The following ATP5PB variants were observed in gnomAD, a reference collection of about 807,000 sequenced individuals.
The protein encoded by ATP5PB is ATP synthase peripheral stalk-membrane subunit b, also known as ATP synthase peripheral stalk subunit b, mitochondrial.
In ATP5PB, 21 loss-of-function variants were observed where a neutral mutation model predicts 34.5. That is an observed-to-expected ratio of 0.61 (90% CI 0.43 to 0.88). ATP5PB has a LOEUF of 0.88. Among genes scored for constraint, ATP5PB ranks in the 40% least tolerant of loss-of-function variants. The pLI, the probability that ATP5PB is intolerant of heterozygous loss-of-function variation, is 0.00. For missense variants in ATP5PB, 293 were observed against 317.4 expected, an observed-to-expected ratio of 0.92 and a Z score of 0.58; for synonymous variants, 108 against 114.1, an observed-to-expected ratio of 0.95 and a Z score of 0.34.
rs537603530 is a variant in ATP5PB at position 111,459,506 on chromosome 1, G to C, written c.563G>C (p.Arg188Thr). ...LEVTYRERLY[R>T]VYKEVKNRLD... ...GTTACTTACCGGGAACGACTGTATA[G>C]AGTATATAAGGAAGTAAAGAATCGC... The change falls in exon 6 of 7, where the codon AGA becomes ACA. Residue 188 changes from arginine (R) to threonine (T), a missense_variant. Arg to Thr is a moderately conservative substitution (Grantham distance 71, BLOSUM62 -1). Transcript: ENST00000369722. 1.2e-6 allele frequency: 2 copies of C among 1,613,812 alleles called. No individual in the cohort carries two copies. The highest frequency in any genetic ancestry group is 1.7e-5 in the Admixed American group (1 of 60,006).
intron 4 of ATP5PB, among the ~76,000 whole-genome samples, 187 bp downstream of exon 4, chr1:111,456,436 ATAGTT>A (rs1653474351): frequency 6.6e-6 from 1 of 152,236 alleles, no homozygotes; most frequent in South Asian, 2.1e-4. Flanking sequence ...TAGCTTTTCT[ATAGTT>A]TAATCATTCA....
intron 2 of ATP5PB, among the ~76,000 whole-genome samples, chr1:111,452,445 C>T (rs1057282514): frequency 6.6e-6 from 1 of 152,148 alleles, no homozygotes; most frequent in Non-Finnish European, 1.5e-5. Flanking sequence ...CGCCTGTAAT[C>T]CCAGCTACTC....
chr1:111,452,577 A>T (rs1427464151), intron 2 of ATP5PB, among the ~76,000 whole-genome samples: 1 of 150,846 alleles, frequency 6.6e-6, no homozygotes, highest in Non-Finnish European at 1.5e-5. Context: ...TCTCAAAAAA[A>T]TAAATAAAAT....
intron 3 of ATP5PB, among the ~76,000 whole-genome samples, chr1:111,454,623 T>C (rs1054231746): frequency 6.6e-6 from 1 of 152,078 alleles, no homozygotes; most frequent in East Asian, 1.9e-4. Context: ...TCTATTTTTT[T>C]GTAGAGACGG....
In ATP5PB at chr1:111,456,116, T is replaced by C. The variant is rs771805671; in HGVS notation, c.254T>C (p.Leu85Ser). Residue 85 changes from leucine to serine, a missense_variant, in exon 4 of 7, where the codon TTG becomes TCG. Coordinates refer to ENST00000369722, the MANE Select transcript of ATP5PB (RefSeq NM_001688.5). ...TATGTACTCGGAACTGGGCTTATCT[T>C]GTACGCTTTATCCAAAGAAATATAT... ...GPYVLGTGLI[L>S]YALSKEIYVI... 8 of 1,610,150 alleles carry C rather than the reference T, an allele frequency of 5.0e-6. No individual in the cohort carries two copies. The highest frequency in any genetic ancestry group is 5.9e-6 in the Non-Finnish European group (7 of 1,178,552).
chr1:111,456,125 T>C lies in ATP5PB; in HGVS notation c.263T>C (p.Leu88Ser), dbSNP rs1447626313. The part of the protein sequence containing the change: ...VLGTGLILYA[L>S]SKEIYVISAE... ...GGAACTGGGCTTATCTTGTACGCTTTATCCAAAGAAATATATGTGATTAGC... is the reference window on the plus strand; with the variant it reads ...GGAACTGGGCTTATCTTGTACGCTTCATCCAAAGAAATATATGTGATTAGC... Residue 88 changes from leucine (L) to serine (S), a missense_variant, in exon 4 of 7, where the codon TTA (leucine) becomes TCA (serine). Transcript: ENST00000369722. 3 of 1,611,278 alleles carry C rather than the reference T, an allele frequency of 1.9e-6. No homozygotes were observed. The highest frequency in any genetic ancestry group is 2.5e-6 in the Non-Finnish European group (3 of 1,178,868).
intron 3 of ATP5PB, 67 bp downstream of exon 3, chr1:111,454,423 T>C (rs1365522072): frequency 6.6e-7 from 1 of 1,518,298 alleles, no homozygotes; most frequent in East Asian, 2.3e-5. Flanking sequence ...GTTAGGTGGG[T>C]TTTCTTCTTT....
rs1252587709 is a variant in ATP5PB at position 111,454,257 on chromosome 1, G to A, written c.124G>A (p.Val42Ile). Residue 42 changes from valine (V) to isoleucine (I), a missense_variant, in exon 3 of 7, where the codon GTC becomes ATC. By Grantham distance (29) the Val-to-Ile change is conservative. Transcript: ENST00000369722. The part of the protein sequence containing the change: ...RTFHTGQPHL[V>I]PVPPLPEYGG... ...CTTTCATACAGGGCAGCCACACCTT[G>A]TCCCTGTACCACCTCTTCCTGAATA... The A allele has an allele frequency of 2.0e-5, 32 of 1,612,530 alleles. No homozygotes were observed. Among genetic ancestry groups the A allele is most frequent in the Non-Finnish European group, 2.6e-5 (31 of 1,179,558 alleles).
chr1:111,456,852 G>A (rs1291504770), intron 5 of ATP5PB, 97 bp downstream of exon 5: 13 of 1,353,090 alleles, frequency 9.6e-6, no homozygotes, highest in East Asian at 5.3e-5. Flanking sequence ...TAGATTGAAC[G>A]TATTTTATTT....
intron 6 of ATP5PB, 54 bp downstream of exon 6, chr1:111,459,690 T>C (rs1653566075): frequency 2.6e-6 from 4 of 1,542,394 alleles, no homozygotes; most frequent in Admixed American, 1.8e-5. Context: ...TTAACAAGTA[T>C]CTGCTGATGT....
intron 5 of ATP5PB, among the ~76,000 whole-genome samples, chr1:111,457,331 A>ACACG (rs1399176997): frequency 1.3e-5 from 2 of 152,026 alleles, no homozygotes; most frequent in Non-Finnish European, 2.9e-5. Flanking sequence ...ACACACACAC[A>ACACG]CACACACACA....
At chr1:111,457,312 A>AAC (rs111663185) in intron 5 of ATP5PB, among the ~76,000 whole-genome samples, 1,638 of 146,712 alleles carry the variant, frequency 0.011, 10 homozygotes, top group East Asian at 0.024. Context: ...GACTCTCTCA[A>AAC]ACACACACAC....
intron 5 of ATP5PB, 62 bp downstream of exon 5, chr1:111,456,817 G>C (rs1653487607): frequency 4.0e-6 from 6 of 1,482,880 alleles, no homozygotes; most frequent in East Asian, 2.5e-5. Flanking sequence ...TTTTAATTCA[G>C]AATTTTTTAT....
chr1:111,460,170 TA>T (rs1023971195), intron 6 of ATP5PB, among the ~76,000 whole-genome samples: 11 of 152,108 alleles, frequency 7.2e-5, no homozygotes, highest in African/African-American at 2.7e-4. Context: ...CCTCAAAAAA[TA>T]AATAAAAGAC....
At chr1:111,460,825 G>T (rs955008421) in intron 6 of ATP5PB, 92 bp from the exon 7 acceptor site, 95 of 1,058,926 alleles carry the variant, frequency 9.0e-5, no homozygotes, top group Non-Finnish European at 9.9e-5. Context: ...TTCTGGTCTG[G>T]TAGGAGGTGT....
chr1:111,449,672 A>T (rs1480730478), intron 1 of ATP5PB, 91 bp downstream of exon 1: 1 of 1,548,486 alleles, frequency 6.5e-7, no homozygotes, highest in African/African-American at 1.4e-5. Context: ...GCGCAGCGAC[A>T]CGGGCCTGAG....
At chr1:111,454,446 TG>T in intron 3 of ATP5PB, 90 bp downstream of exon 3, 3 of 1,402,796 alleles carry the variant, frequency 2.1e-6, no homozygotes, top group Non-Finnish European at 2.9e-6. Context: ...TTTTTGTTGT[TG>T]TTGTTGTTGT....
Position 111,454,254 on chromosome 1 carries a change from C to T in ATP5PB, c.121C>T (p.Leu41Phe). 6.2e-7 allele frequency: 1 copy of T among 1,612,274 alleles called. No individual in the cohort carries two copies. The change falls in exon 3 of 7, where the codon CTT becomes TTT. Residue 41 changes from leucine to phenylalanine, a missense_variant. Physicochemically the swap from Leu to Phe is conservative, Grantham distance 22. Transcript: ENST00000369722. Reference protein sequence around the residue: ...TRTFHTGQPHLVPVPPLPEYG... With the variant: ...TRTFHTGQPHFVPVPPLPEYG... ...GACCTTTCATACAGGGCAGCCACAC[C>T]TTGTCCCTGTACCACCTCTTCCTGA...
Position 111,456,267 on chromosome 1 carries a change from T to G in ATP5PB, c.387+18T>G. On this transcript the variant is annotated intron_variant, in intron 4 of 6. Transcript: ENST00000369722. ...TCAATGAGGTAAGAACCATAAACTT[T>G]ATTTCCTATTTTAGACTAGCAGAAA... 1.9e-6 allele frequency: 3 copies of G among 1,554,198 alleles called. No homozygotes were observed. The highest frequency in any genetic ancestry group is 2.6e-6 in the Non-Finnish European group (3 of 1,151,342).
Sources: gnomAD v4.1 joint callset for allele counts (sites outside exome capture counted in the v4.1 genomes callset) on GRCh38, gnomAD v4.1.1 for gene constraint, MANE v1.5 for transcripts, NCBI Gene and HGNC (gene_info 2026-07-23, HGNC 2026-07-21) for gene names.